Variants in NPIPB8 observed in about 807,000 individuals in gnomAD.
The protein encoded by NPIPB8 is nuclear pore complex interacting protein family member B8, also known as nuclear pore complex-interacting protein family member B8.
NPIPB8 carries 3 observed loss-of-function variants against 5.3 expected under a neutral mutation model. The ratio of observed to expected loss-of-function variants is 0.57; its 90% CI spans 0.26 to 1.47. The LOEUF (loss-of-function observed/expected upper bound fraction) is 1.47, where lower values mean the gene tolerates loss of function less well. Ranked by LOEUF, NPIPB8 falls within the 40% of genes most tolerant of loss-of-function variation. The pLI is 0.13. For missense variants in NPIPB8, 50 were observed against 50.2 expected, an observed-to-expected ratio of 1.00 and a Z score of 0.01; for synonymous variants, 18 against 23.0, an observed-to-expected ratio of 0.78 and a Z score of 0.62.
chr16:28,642,160 C>A (rs1485451351), intron 2 of NPIPB8, among the ~76,000 whole-genome samples: 3 of 151,122 alleles, frequency 2.0e-5, no homozygotes, highest in Non-Finnish European at 2.9e-5. Context: ...GGCTGGAGTG[C>A]AATGGCACGA....
intron 2 of NPIPB8, among the ~76,000 whole-genome samples, chr16:28,642,462 T>C (rs1183079493): frequency 6.6e-6 from 1 of 151,560 alleles, no homozygotes; most frequent in East Asian, 1.9e-4. Context: ...CATAGTTTTG[T>C]AAACCCTGTT....
intron 5 of NPIPB8, among the ~76,000 whole-genome samples, chr16:28,652,932 A>G (rs2151767275): frequency 7.9e-6 from 1 of 126,830 alleles, no homozygotes; most frequent in East Asian, 2.1e-4. Context: ...ATTTTGAGAT[A>G]GAATCTCGCT....
At chr16:28,651,803 A>AT (rs1424769301) in intron 3 of NPIPB8, among the ~76,000 whole-genome samples, 154 bp from the exon 4 acceptor site, 1 of 36,370 alleles carries the variant, frequency 2.7e-5, no homozygotes, top group Non-Finnish European at 4.7e-5. Flanking sequence ...TAATTTTTGT[A>AT]TTTTTAGTAG....
At chr16:28,639,697 C>A (rs1264919202) in intron 2 of NPIPB8, among the ~76,000 whole-genome samples, 1 of 145,780 alleles carries the variant, frequency 6.9e-6, no homozygotes, top group African/African-American at 2.6e-5. Context: ...TCGTGATCTG[C>A]CCACCGTGGC....
At chr16:28,651,607 T>C (rs1382934256) in intron 3 of NPIPB8, among the ~76,000 whole-genome samples, 2 of 30,442 alleles carry the variant, frequency 6.6e-5, no homozygotes, top group African/African-American at 2.0e-4. Flanking sequence ...GTCATTCTTG[T>C]GTGTGTGTGT....
rs1354685351 is a variant in NPIPB8 at position 28,651,389 on chromosome 16, G to C, written c.304-568G>C. On this transcript the variant is annotated intron_variant, in intron 3 of 7. Transcript: ENST00000683297. Reference sequence around the variant, plus strand: ...AGCTCACCACAACCTTTTCCTGCTGGGTTCAAGTGATTCTCCTGCCTCAGC... The same window carrying C: ...AGCTCACCACAACCTTTTCCTGCTGCGTTCAAGTGATTCTCCTGCCTCAGC... 7.4e-4 allele frequency among the ~76,000 whole-genome samples: 21 copies of C among 28,302 alleles called. No individual in the cohort carries two copies. In the East Asian group the frequency reaches 9.8e-3, roughly 13 times the overall value. The allele number at this position is 28,302 out of a possible 152,430, so 18.6% of individuals were successfully genotyped here.
chr16:28,638,182 T>C (rs1170188391), intron 1 of NPIPB8, 32 bp downstream of exon 1: 13 of 866,312 alleles, frequency 1.5e-5, no homozygotes, highest in South Asian at 1.8e-5. Context: ...TTGCATGGCA[T>C]GAAGTAGAAA....
intron 2 of NPIPB8, among the ~76,000 whole-genome samples, chr16:28,641,124 C>A (rs1305125769): frequency 2.6e-5 from 4 of 151,974 alleles, no homozygotes; most frequent in Non-Finnish European, 5.9e-5. Context: ...CATCATGGGG[C>A]CTGATTCTTC....
At chr16:28,639,591 G>T (rs2047857690) in intron 2 of NPIPB8, among the ~76,000 whole-genome samples, 2 of 131,180 alleles carry the variant, frequency 1.5e-5, no homozygotes, top group African/African-American at 5.8e-5. Flanking sequence ...GAGTAGCTGG[G>T]ACTACAGGTG....
intron 2 of NPIPB8, among the ~76,000 whole-genome samples, chr16:28,642,010 T>C (rs1416302927): frequency 3.3e-5 from 5 of 150,818 alleles, no homozygotes; most frequent in Admixed American, 2.0e-4. Flanking sequence ...ATGGACATTA[T>C]AGTACTCTCT....
At position 28,652,333 on chromosome 16, in the gene NPIPB8, A is replaced by G. The variant is rs2048054633; in HGVS notation, c.568A>G (p.Ile190Val). 5 of 320,440 alleles carry G rather than the reference A, an allele frequency of 1.6e-5. No individual in the cohort carries two copies. Among genetic ancestry groups the G allele is most frequent in the Non-Finnish European group, 2.6e-5 (5 of 193,720 alleles). The allele number at this position is 320,440 out of a possible 1,614,324, so 19.8% of individuals were successfully genotyped here. The change falls in exon 5 of 8, where the codon ATC becomes GTC. Residue 190 changes from isoleucine to valine, a missense_variant. By Grantham distance (29) the Ile-to-Val change is conservative. Transcript: ENST00000683297. ...AACGAAAATCAACCGTCATGACAAA[A>G]TCAATGGAAAGAGGAAGACCGCCAG... ...VTTKINRHDK[I>V]NGKRKTARKQ... is the part of the protein sequence containing the mutation.
chr16:28,643,665 C>T (rs2151752753), intron 2 of NPIPB8, among the ~76,000 whole-genome samples: 1 of 144,138 alleles, frequency 6.9e-6, no homozygotes, highest in Middle Eastern at 3.6e-3. Context: ...ATGTACCATG[C>T]TTGCTTAAAA....
At chr16:28,653,127 C>T (rs1310355299) in intron 5 of NPIPB8, among the ~76,000 whole-genome samples, 1 of 111,290 alleles carries the variant, frequency 9.0e-6, no homozygotes, top group Non-Finnish European at 1.9e-5. Flanking sequence ...GGCTAGAGTG[C>T]AGTGGCATGA....
intron 2 of NPIPB8, among the ~76,000 whole-genome samples, chr16:28,640,345 T>TGCCCCAC (rs2047873595): frequency 6.6e-6 from 1 of 152,136 alleles, no homozygotes; most frequent in African/African-American, 2.4e-5. Context: ...CTGTGCCCTG[T>TGCCCCAC]GCCCCACATG....
At chr16:28,641,295 G>T (rs1344088785) in intron 2 of NPIPB8, among the ~76,000 whole-genome samples, 1 of 150,908 alleles carries the variant, frequency 6.6e-6, no homozygotes, top group Non-Finnish European at 1.5e-5. Context: ...TGGGGGTAGT[G>T]GGGGTAGTGG....
At position 28,638,146 on chromosome 16, in the gene NPIPB8, CTG is replaced by C. The variant is rs924061401; in HGVS notation, c.-42_-41del. On this transcript the variant is annotated splice_region_variant and 5_prime_UTR_variant, in exon 1 of 8. The change abolishes the stop of an existing upstream ORF in the 5' untranslated region. Coordinates refer to ENST00000683297, the MANE Select transcript of NPIPB8 (RefSeq NM_001310136.2). The stretch of plus-strand genomic sequence containing the variant: ...TGTTCCTGTTTCACACAGAAGAAAA[CTG>C]AGGTTAAAAGGGGTAAAGTAATTTT... The C allele has an allele frequency of 1.3e-4, 84 of 644,502 alleles. No individual in the cohort carries two copies. The highest frequency in any genetic ancestry group is 4.2e-4 in the Middle Eastern group (1 of 2,376). The allele number at this position is 644,502 out of a possible 1,614,324, so 39.9% of individuals were successfully genotyped here.
At chr16:28,639,689 G>A (rs1321467404) in intron 2 of NPIPB8, among the ~76,000 whole-genome samples, 3 of 145,328 alleles carry the variant, frequency 2.1e-5, no homozygotes, top group Non-Finnish European at 4.5e-5. Context: ...TCCTGACCTC[G>A]TGATCTGCCC....
rs371235628 is a variant in NPIPB8 at position 28,644,324 on chromosome 16, G to T, written c.121-3811G>T. On this transcript the variant is annotated intron_variant, in intron 2 of 7. Coordinates refer to ENST00000683297, the MANE Select transcript of NPIPB8 (RefSeq NM_001310136.2). ...GCGCTTGAGAACTTAATTTGAACCG[G>T]ATCCTTTCCCAGACCCCTTTCTTCT... Among the ~76,000 whole-genome samples, 881 of 116,100 alleles carry T rather than the reference G, an allele frequency of 7.6e-3. 24 individuals carry two copies. Among genetic ancestry groups the T allele is most frequent in the South Asian group, 0.061 (226 of 3,704 alleles). The allele number at this position is 116,100 out of a possible 152,430, so 76.2% of individuals were successfully genotyped here. A position where few individuals can be genotyped will look rare whatever the true frequency, so the allele number is the denominator to read the frequency against.
chr16:28,644,591 T>C (rs761771293), intron 2 of NPIPB8: 10 of 1,367,986 alleles, frequency 7.3e-6, no homozygotes, highest in Admixed American at 4.3e-5. Flanking sequence ...GACCAGGACA[T>C]GCGGCTGCGC....
Sources: gnomAD v4.1 joint callset for allele counts (sites outside exome capture counted in the v4.1 genomes callset) on GRCh38, gnomAD v4.1.1 for gene constraint, MANE v1.5 for transcripts, NCBI Gene and HGNC (gene_info 2026-07-23, HGNC 2026-07-21) for gene names.